The following DCLK3 variants were observed in gnomAD, a reference collection of about 807,000 sequenced individuals.
DCLK3 encodes serine/threonine-protein kinase DCLK3.
A neutral mutation model predicts 46.4 loss-of-function variants in DCLK3; 30 were observed. The ratio of observed to expected loss-of-function variants is 0.65; its 90% CI spans 0.48 to 0.88. The LOEUF (loss-of-function observed/expected upper bound fraction) is 0.88, where lower values mean the gene tolerates loss of function less well. DCLK3 is among the 40% of genes least tolerant of loss of function. DCLK3 has a pLI of 0.00. For missense variants in DCLK3, 846 were observed against 907.1 expected (o/e 0.93, Z 0.87); for synonymous variants, 401 against 339.2 (o/e 1.18, Z -2.00).
intron 1 of DCLK3, among the ~76,000 whole-genome samples, chr3:36,740,025 G>T (rs551503898): frequency 6.6e-6 from 1 of 151,970 alleles, no homozygotes; most frequent in Non-Finnish European, 1.5e-5. Flanking sequence ...AGCAGTATGC[G>T]AAGAGGTTAT....
At position 36,737,598 on chromosome 3, in the gene DCLK3, C is replaced by G. The variant is rs760362596; in HGVS notation, c.1569G>C (p.Lys523Asn). The G allele has an allele frequency of 6.2e-7, 1 of 1,614,180 alleles. No homozygotes were observed. The highest frequency in any genetic ancestry group is 1.1e-5 in the South Asian group (1 of 91,072). The change falls in exon 2 of 5, where the codon AAG becomes AAC. Residue 523 changes from lysine (K) to asparagine (N), a missense_variant. Coordinates refer to ENST00000636136, the MANE Select transcript of DCLK3 (RefSeq NM_001394672.2). The surrounding 1 kb of genome is among the most constrained non-coding windows in gnomAD (Gnocchi z 4.4). ...CAATGACCCGGCCAGTCTCATAATG[C>G]TTTTCCACATTGGCGGCAATGATGC... ...PMGIIAANVE[K>N]HYETGRVIGD...
Position 36,726,123 on chromosome 3 carries a change from G to A in DCLK3, c.1960-4464C>T, listed in dbSNP as rs1027970769. On this transcript the variant is annotated intron_variant, in intron 2 of 4. Coordinates refer to ENST00000636136, the MANE Select transcript of DCLK3 (RefSeq NM_001394672.2). ...ACATGAAAAACCAAACCATGAGGGC[G>A]CAAACCCAGCATATCTTGCAGCAAG... is the stretch of plus-strand genomic sequence containing the variant. 4.8e-4 allele frequency among the ~76,000 whole-genome samples: 73 copies of A among 152,018 alleles called. 1 individual carries two copies. Among genetic ancestry groups the A allele is most frequent in the African/African-American group, 1.6e-3 (68 of 41,384 alleles).
intron 2 of DCLK3, among the ~76,000 whole-genome samples, chr3:36,722,992 C>A (rs149879417): frequency 5.1e-4 from 77 of 152,146 alleles, no homozygotes; most frequent in African/African-American, 1.8e-3. Context: ...CAGAAGAAGA[C>A]AGAAAAATGT....
At chr3:36,754,876 T>C (rs895114978) in intron 1 of DCLK3, among the ~76,000 whole-genome samples, 1 of 152,178 alleles carries the variant, frequency 6.6e-6, no homozygotes, top group African/African-American at 2.4e-5. Context: ...CATGAAATAG[T>C]TTTTATATGT....
At chr3:36,757,902 C>A (rs989447144) in intron 1 of DCLK3, among the ~76,000 whole-genome samples, 1 of 152,028 alleles carries the variant, frequency 6.6e-6, no homozygotes, top group Non-Finnish European at 1.5e-5. Context: ...CCAGCTCCTG[C>A]GTGTCTCTCA....
intron 1 of DCLK3, among the ~76,000 whole-genome samples, chr3:36,743,870 T>C (rs1701370947): frequency 6.6e-6 from 1 of 152,040 alleles, no homozygotes; most frequent in Non-Finnish European, 1.5e-5. Flanking sequence ...AATCCAAGCC[T>C]CACCATCTTG....
chr3:36,725,023 A>C (rs1204693880), intron 2 of DCLK3, among the ~76,000 whole-genome samples: 4 of 151,748 alleles, frequency 2.6e-5, no homozygotes, highest in African/African-American at 9.7e-5. Flanking sequence ...GTTAAAAAAA[A>C]AAAAAAATGG....
Position 36,745,763 on chromosome 3 carries a change from G to C in DCLK3, c.83-6679C>G, listed in dbSNP as rs536482351. ...TTGTCCTGGGCATTTTCCAGGGGCT[G>C]TTTGGGAATAAACTCATTTTGCTCA... On this transcript the variant is annotated intron_variant, in intron 1 of 4. Coordinates refer to ENST00000636136, the MANE Select transcript of DCLK3 (RefSeq NM_001394672.2). Among the ~76,000 whole-genome samples, 30 of 152,332 alleles carry C rather than the reference G, an allele frequency of 2.0e-4. 1 individual carries two copies. The South Asian group carries it at 6.0e-3, about 31-fold the overall frequency.
chr3:36,734,617 C>T (rs1433616023), intron 2 of DCLK3, among the ~76,000 whole-genome samples: 1 of 152,092 alleles, frequency 6.6e-6, no homozygotes, highest in Non-Finnish European at 1.5e-5. Flanking sequence ...AAAGGGTCTA[C>T]ATATCAATTG....
At chr3:36,734,870 ACCACC>A (rs1392329701) in intron 2 of DCLK3, among the ~76,000 whole-genome samples, 1 of 152,186 alleles carries the variant, frequency 6.6e-6, no homozygotes, top group Non-Finnish European at 1.5e-5. Context: ...ACTTCCTCAA[ACCACC>A]CTCCATGTGA....
intron 3 of DCLK3, among the ~76,000 whole-genome samples, chr3:36,720,779 T>C (rs1194956979): frequency 6.6e-6 from 1 of 152,150 alleles, no homozygotes; most frequent in Non-Finnish European, 1.5e-5. Context: ...AGAGCTGGGA[T>C]TACAGGCATG....
At chr3:36,747,115 T>C (rs1701400239) in intron 1 of DCLK3, among the ~76,000 whole-genome samples, 1 of 152,218 alleles carries the variant, frequency 6.6e-6, no homozygotes, top group Admixed American at 6.5e-5. Context: ...ACGGTTCCTT[T>C]GACAAAAGAT....
At chr3:36,752,311 C>T (rs143577347) in intron 1 of DCLK3, among the ~76,000 whole-genome samples, 27 of 152,298 alleles carry the variant, frequency 1.8e-4, no homozygotes, top group Non-Finnish European at 2.5e-4. Flanking sequence ...GATGTGACTC[C>T]AGCTGAGACC....
intron 1 of DCLK3, among the ~76,000 whole-genome samples, chr3:36,754,770 A>G (rs1701471747): frequency 1.3e-5 from 2 of 152,106 alleles, no homozygotes; most frequent in East Asian, 3.9e-4. Context: ...TTTTCTCTCC[A>G]TCTTTCCCTG....
Position 36,755,186 on chromosome 3 carries a change from T to G in DCLK3, c.82+8996A>C, listed in dbSNP as rs543605745. Reference sequence around the variant, plus strand: ...TTAAATGACTGTCCATTCCAGAATGTAAAAGCCTAATAGACATATCAGTTC... The same window carrying G: ...TTAAATGACTGTCCATTCCAGAATGGAAAAGCCTAATAGACATATCAGTTC... On this transcript the variant is annotated intron_variant, in intron 1 of 4. Coordinates refer to ENST00000636136, the MANE Select transcript of DCLK3 (RefSeq NM_001394672.2). 1.5e-4 allele frequency among the ~76,000 whole-genome samples: 23 copies of G among 152,310 alleles called. No homozygotes were observed. In the South Asian group the frequency reaches 3.9e-3, roughly 26 times the overall value.
chr3:36,749,733 A>T (rs942056542), intron 1 of DCLK3, among the ~76,000 whole-genome samples: 1 of 152,228 alleles, frequency 6.6e-6, no homozygotes, highest in Non-Finnish European at 1.5e-5. Flanking sequence ...CAGCCTGCAG[A>T]TTCTTCAGAA....
intron 1 of DCLK3, among the ~76,000 whole-genome samples, chr3:36,758,832 T>C (rs576907076): frequency 6.6e-6 from 1 of 152,328 alleles, no homozygotes; most frequent in Non-Finnish European, 1.5e-5. Flanking sequence ...TGAGCCATCA[T>C]AAAACCTTGT....
chr3:36,740,126 T>C (rs1701328676), intron 1 of DCLK3, among the ~76,000 whole-genome samples: 1 of 150,552 alleles, frequency 6.6e-6, no homozygotes, highest in Admixed American at 6.6e-5. Flanking sequence ...GCATTTCTTT[T>C]TTTTTTTTTT....
chr3:36,724,340 CTTAAG>C (rs780687286), intron 2 of DCLK3, among the ~76,000 whole-genome samples: 3 of 152,146 alleles, frequency 2.0e-5, no homozygotes, highest in Non-Finnish European at 4.4e-5. Context: ...ACTGTGGACT[CTTAAG>C]TTAATGCTGA....
Sources: allele counts gnomAD v4.1 joint callset (sites outside exome capture counted in the v4.1 genomes callset), GRCh38; gene constraint gnomAD v4.1.1; non-coding constraint Gnocchi (gnomAD v3.1); transcripts MANE v1.5; gene names NCBI Gene and HGNC (gene_info 2026-07-23, HGNC 2026-07-21).